Variants in URB1 observed in about 807,000 individuals in gnomAD.
The protein encoded by URB1 is URB1 ribosome biogenesis factor, also known as nucleolar pre-ribosomal-associated protein 1.
URB1 carries 197 observed loss-of-function variants against 242.3 expected under a neutral mutation model. That is an observed-to-expected ratio of 0.81 (90% CI 0.72 to 0.91). URB1 has a LOEUF of 0.91. Ranked by LOEUF, URB1 falls within the 40% of genes least tolerant of loss-of-function variation. URB1 has a pLI of 0.00. For missense variants in URB1, 2,721 were observed against 2,860.5 expected, an observed-to-expected ratio of 0.95 and a Z score of 1.11; for synonymous variants, 1,153 against 1,201.8, an observed-to-expected ratio of 0.96 and a Z score of 0.84.
At chr21:32,323,931 C>G (rs1349294709) in intron 32 of URB1, among the ~76,000 whole-genome samples, 3 of 152,152 alleles carry the variant, frequency 2.0e-5, no homozygotes, top group Non-Finnish European at 4.4e-5. Context: ...CCACTGCACT[C>G]CAGCCTGGGT....
At chr21:32,367,498 G>A (rs927499314) in intron 9 of URB1, among the ~76,000 whole-genome samples, 4 of 152,190 alleles carry the variant, frequency 2.6e-5, no homozygotes, top group African/African-American at 9.6e-5. Context: ...CCAGGTAGAG[G>A]CACAAGAAAC....
intron 11 of URB1, 120 bp downstream of exon 11, chr21:32,363,036 G>A (rs1036531402): frequency 1.1e-5 from 14 of 1,309,694 alleles, no homozygotes; most frequent in South Asian, 4.6e-5. Context: ...ACTGCCCACC[G>A]GCCTGTCCAA....
In URB1 at chr21:32,361,107, A is replaced by C; in HGVS notation, c.1656T>G (p.Ile552Met). The C allele has an allele frequency of 6.5e-7, 1 of 1,546,348 alleles. No homozygotes were observed. Among genetic ancestry groups the C allele is most frequent in the Non-Finnish European group, 8.7e-7 (1 of 1,145,354 alleles). The change falls in exon 13 of 39, where the codon ATT (isoleucine) becomes ATG (methionine). Residue 552 changes from isoleucine to methionine, a missense_variant. Coordinates refer to ENST00000382751, the MANE Select transcript of URB1 (RefSeq NM_014825.3). ...CCTGGAGCAAAACAGCTTTCAAAAG[A>C]ATGGTTTCTGCATCATCTGCACAAA... ...DAHQCDDAET[I>M]LLKAVLLQVI...
intron 3 of URB1, 138 bp from the exon 4 acceptor site, chr21:32,383,692 C>A: frequency 2.0e-6 from 2 of 985,022 alleles, no homozygotes; most frequent in South Asian, 2.8e-5. Flanking sequence ...AAGACATGCT[C>A]TTTTTTTAAG....
chr21:32,364,151 C>T (rs1251412369), intron 10 of URB1, among the ~76,000 whole-genome samples: 1 of 152,138 alleles, frequency 6.6e-6, no homozygotes, highest in Non-Finnish European at 1.5e-5. Context: ...TCTTGACTTC[C>T]AGTCAGAATG....
At chr21:32,355,098 G>A (rs2123590575) in intron 16 of URB1, 101 bp from the exon 17 acceptor site, 7 of 1,338,310 alleles carry the variant, frequency 5.2e-6, no homozygotes, top group Non-Finnish European at 7.0e-6. Flanking sequence ...GTGATAATAT[G>A]TTCAATCCTT....
intron 28 of URB1, 106 bp downstream of exon 28, chr21:32,336,988 C>A: frequency 8.5e-7 from 1 of 1,180,030 alleles, no homozygotes; most frequent in Non-Finnish European, 1.2e-6. Flanking sequence ...CTCACTCTTT[C>A]CCTGAGAACC....
intron 8 of URB1, among the ~76,000 whole-genome samples, chr21:32,370,463 T>G (rs1168988507): frequency 1.3e-5 from 2 of 152,222 alleles, no homozygotes; most frequent in Non-Finnish European, 2.9e-5. Flanking sequence ...CTACACATGC[T>G]TTATTTTAAT....
intron 1 of URB1, among the ~76,000 whole-genome samples, chr21:32,392,097 T>C (rs2033645483): frequency 6.6e-6 from 1 of 152,198 alleles, no homozygotes; most frequent in South Asian, 2.1e-4. Context: ...TTATTTAACC[T>C]GGGAGAAAAA....
intron 25 of URB1, among the ~76,000 whole-genome samples, chr21:32,341,184 A>G (rs1469312347): frequency 6.6e-6 from 1 of 152,238 alleles, no homozygotes; most frequent in African/African-American, 2.4e-5. Flanking sequence ...GGACAAACAC[A>G]GAAAACTGTC....
intron 25 of URB1, 74 bp from the exon 26 acceptor site, chr21:32,338,974 C>T (rs2032997064): frequency 7.4e-7 from 1 of 1,344,340 alleles, no homozygotes; most frequent in Non-Finnish European, 1.0e-6. Context: ...AATAAAGATT[C>T]TTTTTCTCAG....
At chr21:32,332,438 T>A (rs1338200672) in intron 30 of URB1, among the ~76,000 whole-genome samples, 1 of 67,728 alleles carries the variant, frequency 1.5e-5, no homozygotes, top group Admixed American at 1.6e-4. Context: ...CTGGAATATA[T>A]AAAGAACACT....
Position 32,372,623 on chromosome 21 carries a change from G to T in URB1, c.885C>A (p.Ala295=). 2 of 1,549,096 alleles carry T rather than the reference G, an allele frequency of 1.3e-6. No individual in the cohort carries two copies. The highest frequency in any genetic ancestry group is 1.7e-6 in the Non-Finnish European group (2 of 1,146,286). ...DVNPENVKVS[A]EEAGKTMVRE... Reference sequence around the variant, plus strand: ...GCACCATGGTTTTCCCTGCTTCTTCGGCAGAAACCTATGAAGATTTTTTAA... The same window carrying T: ...GCACCATGGTTTTCCCTGCTTCTTCTGCAGAAACCTATGAAGATTTTTTAA... The change falls in exon 8 of 39, where the codon GCC becomes GCA. Residue 295 remains alanine (A), a synonymous_variant. Coordinates refer to ENST00000382751, the MANE Select transcript of URB1 (RefSeq NM_014825.3).
chr21:32,373,584 T>G, intron 7 of URB1, 63 bp downstream of exon 7: 1 of 1,479,070 alleles, frequency 6.8e-7, no homozygotes, highest in Middle Eastern at 1.8e-4. Flanking sequence ...GAATTCTCCC[T>G]CTCCCAACCC....
intron 19 of URB1, 143 bp downstream of exon 19, chr21:32,352,567 C>T: frequency 1.1e-6 from 1 of 907,210 alleles, no homozygotes; most frequent in East Asian, 2.6e-5. Flanking sequence ...TTAGCTTCCT[C>T]TCTTATGCAG....
chr21:32,368,678 T>C, intron 8 of URB1, 80 bp from the exon 9 acceptor site: 3 of 1,236,048 alleles, frequency 2.4e-6, no homozygotes, highest in Non-Finnish European at 3.3e-6. Context: ...CGTGCAGCTC[T>C]GCAGAATTGC....
At chr21:32,392,580 C>A (rs1161365064) in intron 1 of URB1, among the ~76,000 whole-genome samples, 189 bp downstream of exon 1, 1 of 152,250 alleles carries the variant, frequency 6.6e-6, no homozygotes, top group Non-Finnish European at 1.5e-5. Context: ...TCGGGGCCCT[C>A]TCGCTGTCGC....
Position 32,349,309 on chromosome 21 carries a change from C to A in URB1, c.3007G>T (p.Asp1003Tyr). The stretch of plus-strand genomic sequence containing the variant: ...CAGGCAACCTGTGGCGGTACCTGAT[C>A]ATTGGCCAACTCCAGCGAGGCCACG... ...ESVASLELANDQTLEEVLVAI... is the reference protein window; with the variant it reads ...ESVASLELANYQTLEEVLVAI... Residue 1003 changes from aspartate to tyrosine, a missense_variant, in exon 21 of 39, where the codon GAT (aspartate) becomes TAT (tyrosine). Coordinates refer to ENST00000382751, the MANE Select transcript of URB1 (RefSeq NM_014825.3). 1 of 1,541,344 alleles carries A rather than the reference C, an allele frequency of 6.5e-7. No homozygotes were observed. The highest frequency in any genetic ancestry group is 1.2e-5 in the South Asian group (1 of 82,322).
Position 32,311,743 on chromosome 21 carries a change from G to A in URB1, c.*3175C>T. 6.2e-7 allele frequency: 1 copy of A among 1,614,070 alleles called. No individual in the cohort carries two copies. Among genetic ancestry groups the A allele is most frequent in the Admixed American group, 1.7e-5 (1 of 60,020 alleles). Reference sequence around the variant, plus strand: ...AGTCACGGCCTCAACCTCCACCTCTGCATCCAGAAGTGCCTGCCGTGCCAC... The same window carrying A: ...AGTCACGGCCTCAACCTCCACCTCTACATCCAGAAGTGCCTGCCGTGCCAC... On this transcript the variant is annotated 3_prime_UTR_variant, in exon 39 of 39. Coordinates refer to ENST00000382751, the MANE Select transcript of URB1 (RefSeq NM_014825.3).
Sources: allele counts gnomAD v4.1 joint callset (sites outside exome capture counted in the v4.1 genomes callset), GRCh38; gene constraint gnomAD v4.1.1; transcripts MANE v1.5; gene names NCBI Gene and HGNC (gene_info 2026-07-23, HGNC 2026-07-21).